SHCBP1L: variants seen among roughly 807,000 people sequenced by gnomAD.
The protein encoded by SHCBP1L is SHC binding and spindle associated 1 like.
In SHCBP1L, 67 loss-of-function variants were observed where a neutral mutation model predicts 62.5. The observed-to-expected ratio is 1.07, with a 90% CI of 0.88 to 1.31. The LOEUF is 1.31. Among genes scored for constraint, SHCBP1L ranks in the 40% most tolerant of loss-of-function variants. The pLI, the probability that SHCBP1L is intolerant of heterozygous loss-of-function variation, is 0.00. For missense variants in SHCBP1L, 823 were observed against 809.8 expected (o/e 1.02, Z -0.20); for synonymous variants, 284 against 289.4 (o/e 0.98, Z 0.19).
chr1:182,930,727 ATT>A (rs71127328), intron 5 of SHCBP1L, among the ~76,000 whole-genome samples: 17 of 20,960 alleles, frequency 8.1e-4, no homozygotes, highest in African/African-American at 2.6e-3. Flanking sequence ...ATATATATGT[ATT>A]TTTTTTTTTT....
At chr1:182,923,162 T>C (rs149273312) in intron 6 of SHCBP1L, among the ~76,000 whole-genome samples, 42 of 151,868 alleles carry the variant, frequency 2.8e-4, no homozygotes, top group Non-Finnish European at 6.2e-4. Flanking sequence ...AAACACACAA[T>C]CTCCCAAGAT....
chr1:182,928,491 A>C (rs894078903), intron 6 of SHCBP1L, among the ~76,000 whole-genome samples: 1 of 152,214 alleles, frequency 6.6e-6, no homozygotes, highest in Non-Finnish European at 1.5e-5. Context: ...TGTATTATGA[A>C]AGGTTGAGAA....
chr1:182,924,443 G>A (rs1331016054), intron 6 of SHCBP1L, among the ~76,000 whole-genome samples: 1 of 151,396 alleles, frequency 6.6e-6, no homozygotes, highest in African/African-American at 2.4e-5. Context: ...GACTACAGGC[G>A]CCCACTACAA....
At chr1:182,924,900 AG>A (rs1454066301) in intron 6 of SHCBP1L, among the ~76,000 whole-genome samples, 1 of 136,852 alleles carries the variant, frequency 7.3e-6, no homozygotes, top group Non-Finnish European at 1.5e-5. Flanking sequence ...ACAAAGAGAG[AG>A]AGAGAAAGAA....
chr1:182,906,622 G>C (rs968324531), intron 6 of SHCBP1L, among the ~76,000 whole-genome samples: 1 of 151,502 alleles, frequency 6.6e-6, no homozygotes, highest in South Asian at 2.1e-4. Context: ...AGTAGAGACA[G>C]GGTTTCGCCA....
At chr1:182,946,995 G>A (rs1271617471) in intron 2 of SHCBP1L, among the ~76,000 whole-genome samples, 1 of 152,148 alleles carries the variant, frequency 6.6e-6, no homozygotes, top group Non-Finnish European at 1.5e-5. Flanking sequence ...TCAGCACTTT[G>A]GGAGGCTGAG....
chr1:182,916,390 A>G (rs989172102), intron 6 of SHCBP1L, among the ~76,000 whole-genome samples: 1 of 152,142 alleles, frequency 6.6e-6, no homozygotes, highest in African/African-American at 2.4e-5. Context: ...GAAATAGAGA[A>G]TAGGAAAAAT....
chr1:182,939,454 A>G lies in SHCBP1L; in HGVS notation c.857+13T>C. 3.7e-6 allele frequency: 6 copies of G among 1,602,528 alleles called. No homozygotes were observed. Among genetic ancestry groups the G allele is most frequent in the Non-Finnish European group, 3.4e-6 (4 of 1,174,416 alleles). ...TTTCTAATGTGCGGTATAAGTTTAT[A>G]AACTATACTTACAAATTAATTCTTT... On this transcript the variant is annotated intron_variant, in intron 4 of 9. Coordinates refer to ENST00000367547, the MANE Select transcript of SHCBP1L (RefSeq NM_030933.4).
At chr1:182,946,172 T>C (rs73033567) in intron 2 of SHCBP1L, among the ~76,000 whole-genome samples, 3,320 of 152,180 alleles carry the variant, frequency 0.022, 120 homozygotes, top group African/African-American at 0.076. Context: ...TTCTCTTTGG[T>C]CCCAGTATTC....
At chr1:182,952,235 TACACAC>T (rs68031715) in intron 1 of SHCBP1L, among the ~76,000 whole-genome samples, 7 of 42,848 alleles carry the variant, frequency 1.6e-4, no homozygotes, top group African/African-American at 3.4e-4. Context: ...TATATATATA[TACACAC>T]ACACACACAC....
In SHCBP1L at chr1:182,951,466, G is replaced by A; in HGVS notation, c.407C>T (p.Ala136Val). 6.4e-7 allele frequency: 1 copy of A among 1,552,788 alleles called. No individual in the cohort carries two copies. Among genetic ancestry groups the A allele is most frequent in the Non-Finnish European group, 8.7e-7 (1 of 1,153,366 alleles). Reference sequence around the variant, plus strand: ...ACCCATAACTTCATCAGCATCTTCTGCCTAACAAGAGAAAAAATGGATCTA... The same window carrying A: ...ACCCATAACTTCATCAGCATCTTCTACCTAACAAGAGAAAAAATGGATCTA... The part of the protein sequence containing the change: ...YCDEVLQDCK[A>V]EDADEVMGKY... Residue 136 changes from alanine (A) to valine (V), a missense_variant and splice_region_variant, in exon 2 of 10, where the codon GCA becomes GTA. Coordinates refer to ENST00000367547, the MANE Select transcript of SHCBP1L (RefSeq NM_030933.4).
intron 6 of SHCBP1L, among the ~76,000 whole-genome samples, chr1:182,927,161 G>A (rs1233455510): frequency 7.0e-6 from 1 of 143,862 alleles, no homozygotes; most frequent in African/African-American, 2.6e-5. Flanking sequence ...GGAAATTGAG[G>A]CTTAGAGGTT....
chr1:182,935,733 C>T (rs556203920), intron 5 of SHCBP1L, among the ~76,000 whole-genome samples: 2 of 152,098 alleles, frequency 1.3e-5, no homozygotes, highest in Non-Finnish European at 2.9e-5. Flanking sequence ...CCTGGAGAAC[C>T]AAACCCTTTA....
Position 182,953,084 on chromosome 1 carries a change from A to G in SHCBP1L, c.50T>C (p.Ile17Thr). The change falls in exon 1 of 10, where the codon ATC becomes ACC. Residue 17 changes from isoleucine (I) to threonine (T), a missense_variant. Coordinates refer to ENST00000367547, the MANE Select transcript of SHCBP1L (RefSeq NM_030933.4). ...ASVPADSFRT[I>T]SPDRRGEKSA... ...CTTCTCGCCTCGCCTGTCCGGGCTG[A>G]TGGTGCGGAATGAGTCCGCGGGCAC... 1 of 1,564,160 alleles carries G rather than the reference A, an allele frequency of 6.4e-7. No individual in the cohort carries two copies. Among genetic ancestry groups the G allele is most frequent in the Middle Eastern group, 1.7e-4 (1 of 5,726 alleles).
chr1:182,950,927 A>T, intron 2 of SHCBP1L, among the ~76,000 whole-genome samples: 1 of 151,830 alleles, frequency 6.6e-6, no homozygotes, highest in East Asian at 2.0e-4. Flanking sequence ...TAGTTTTCTG[A>T]TCCATTTCTT....
intron 2 of SHCBP1L, among the ~76,000 whole-genome samples, chr1:182,945,326 C>T (rs1651526540): frequency 6.6e-6 from 1 of 152,168 alleles, no homozygotes; most frequent in East Asian, 1.9e-4. Flanking sequence ...TTGTAAAAAT[C>T]TCCTTTCAAT....
At chr1:182,930,558 T>C (rs1650940889) in intron 5 of SHCBP1L, among the ~76,000 whole-genome samples, 2 of 26,968 alleles carry the variant, frequency 7.4e-5, no homozygotes, top group South Asian at 2.7e-3. Context: ...TGTGTATATA[T>C]ATATATATAT....
intron 2 of SHCBP1L, among the ~76,000 whole-genome samples, chr1:182,945,046 C>T (rs527343793): frequency 2.1e-5 from 3 of 142,772 alleles, no homozygotes; most frequent in Non-Finnish European, 4.6e-5. Context: ...ACTGCAACTC[C>T]TCTGCCTCCC....
intron 2 of SHCBP1L, chr1:182,944,583 C>A (rs1321685268): frequency 2.0e-5 from 3 of 151,682 alleles, no homozygotes; most frequent in South Asian, 2.1e-4. Flanking sequence ...CAGAGGCAAC[C>A]ATTTTTAACT....
Sources: allele counts gnomAD v4.1 joint callset (sites outside exome capture counted in the v4.1 genomes callset), GRCh38; gene constraint gnomAD v4.1.1; transcripts MANE v1.5; gene names NCBI Gene and HGNC (gene_info 2026-07-23, HGNC 2026-07-21).